COL19A1: variants seen among roughly 807,000 people sequenced by gnomAD.
COL19A1 encodes the protein collagen alpha-1(XIX) chain.
COL19A1 carries 159 observed loss-of-function variants against 190.2 expected under a neutral mutation model. That is an observed-to-expected ratio of 0.84 (90% CI 0.73 to 0.95). The LOEUF (loss-of-function observed/expected upper bound fraction) is 0.95, where lower values mean the gene tolerates loss of function less well. COL19A1 is among the 40% of genes least tolerant of loss of function. The pLI is 0.00. For missense variants in COL19A1, 1,418 were observed against 1,431.9 expected, an observed-to-expected ratio of 0.99 and a Z score of 0.16; for synonymous variants, 509 against 458.9, an observed-to-expected ratio of 1.11 and a Z score of -1.39.
chr6:69,959,904 A>G (rs1774665166), intron 9 of COL19A1, 92 bp from the exon 10 acceptor site: 1 of 1,132,124 alleles, frequency 8.8e-7, no homozygotes, highest in Non-Finnish European at 1.3e-6. Context: ...ACCTTTCCCC[A>G]CAACACTAGA....
chr6:69,882,348 C>A (rs1440098733), intron 2 of COL19A1, among the ~76,000 whole-genome samples: 1 of 152,112 alleles, frequency 6.6e-6, no homozygotes, highest in Non-Finnish European at 1.5e-5. Context: ...TTTATTTTCC[C>A]ACTGCAAATG....
At chr6:70,044,436 G>T (rs1282377677) in intron 14 of COL19A1, among the ~76,000 whole-genome samples, 1 of 152,198 alleles carries the variant, frequency 6.6e-6, no homozygotes, top group Non-Finnish European at 1.5e-5. Flanking sequence ...TTTGGCTGGA[G>T]GGACCTAGCT....
chr6:70,104,434 T>TTTTAAG (rs1398249691), intron 16 of COL19A1, among the ~76,000 whole-genome samples: 6 of 152,072 alleles, frequency 3.9e-5, no homozygotes, highest in Non-Finnish European at 8.8e-5. Context: ...CAACCTAATC[T>TTTTAAG]CGTGAGAACT....
intron 42 of COL19A1, among the ~76,000 whole-genome samples, chr6:70,178,180 G>A (rs1197253688): frequency 6.6e-6 from 1 of 152,192 alleles, no homozygotes; most frequent in African/African-American, 2.4e-5. Flanking sequence ...TTGAGCCCAG[G>A]AGTTAGAGAC....
rs947348054 is a variant in COL19A1 at position 70,141,097 on chromosome 6, G to A, written c.1482+108G>A. Reference sequence around the variant, plus strand: ...AGTCTAATAGATTTGATTAAATAAGGTCCATGAGCATTTTACTTTTTCCTC... The same window carrying A: ...AGTCTAATAGATTTGATTAAATAAGATCCATGAGCATTTTACTTTTTCCTC... On this transcript the variant is annotated intron_variant, in intron 20 of 50. Transcript: ENST00000620364. The A allele has an allele frequency of 5.3e-6, 5 of 942,694 alleles. No homozygotes were observed. In the African/African-American group the frequency reaches 6.8e-5, roughly 13 times the overall value. The allele number at this position is 942,694 out of a possible 1,614,324, so 58.4% of individuals were successfully genotyped here.
At chr6:69,884,966 G>A (rs1313516297) in intron 2 of COL19A1, among the ~76,000 whole-genome samples, 7 of 151,614 alleles carry the variant, frequency 4.6e-5, no homozygotes, top group East Asian at 1.9e-4. Context: ...AGGTTCAAGC[G>A]ATTCTCCTGC....
intron 10 of COL19A1, among the ~76,000 whole-genome samples, chr6:69,960,704 A>G (rs1774734529): frequency 7.1e-6 from 1 of 140,402 alleles, no homozygotes; most frequent in Non-Finnish European, 1.5e-5. Flanking sequence ...ATCTTGGCTC[A>G]CTGCAAGCTC....
chr6:69,938,207 T>A (rs1204335171), intron 9 of COL19A1, 107 bp downstream of exon 9: 3 of 1,034,986 alleles, frequency 2.9e-6, no homozygotes, highest in Non-Finnish European at 4.2e-6. Flanking sequence ...TATGTTTCTA[T>A]AAAAGGCTAT....
intron 16 of COL19A1, among the ~76,000 whole-genome samples, chr6:70,119,331 C>G (rs906583342): frequency 1.3e-5 from 2 of 152,176 alleles, no homozygotes; most frequent in Non-Finnish European, 2.9e-5. Context: ...ATAAAGAGGC[C>G]TCTCTCAACT....
In COL19A1 at chr6:70,199,658, G is replaced by T; in HGVS notation, c.3145G>T (p.Ala1049Ser). ...GCTCAAGCTGCCAGCAGCAATGTTG[G>T]CTGCCCAAGCTTATGGGAGACCTGG... ...SQLKLPAAMLAAQAYGRPGPP... is the reference protein window; with the variant it reads ...SQLKLPAAMLSAQAYGRPGPP... Residue 1049 changes from alanine to serine, a missense_variant, in exon 49 of 51, where the codon GCT becomes TCT. Physicochemically the swap from Ala to Ser is moderately conservative, Grantham distance 99. Transcript: ENST00000620364. The T allele has an allele frequency of 1.2e-6, 2 of 1,608,202 alleles. No individual in the cohort carries two copies. Among genetic ancestry groups the T allele is most frequent in the Non-Finnish European group, 1.7e-6 (2 of 1,176,440 alleles).
Position 70,016,383 on chromosome 6 carries a change from AAC to A in COL19A1, c.1027-7240_1027-7239del, listed in dbSNP as rs1354525322. Among the ~76,000 whole-genome samples the A allele has an allele frequency of 3.3e-4, 42 of 126,420 alleles. 1 individual carries two copies. The highest frequency in any genetic ancestry group is 6.0e-4 in the Non-Finnish European group (38 of 63,612). The allele number at this position is 126,420 out of a possible 152,430, so 82.9% of individuals were successfully genotyped here. A position where few individuals can be genotyped will look rare whatever the true frequency, so the allele number is the denominator to read the frequency against. ...GAGTATAATAAAAAAAAAAAAAAAA[AAC>A]ACATGAAAAAAAAAAAACAAAACAA... On this transcript the variant is annotated intron_variant, in intron 11 of 50. Coordinates refer to ENST00000620364, the MANE Select transcript of COL19A1 (RefSeq NM_001858.6).
At chr6:70,004,981 T>C (rs569567127) in intron 11 of COL19A1, among the ~76,000 whole-genome samples, 39 of 152,086 alleles carry the variant, frequency 2.6e-4, no homozygotes, top group East Asian at 1.2e-3. Context: ...TACAGGTGCC[T>C]GCCACCACAC....
intron 1 of COL19A1, among the ~76,000 whole-genome samples, chr6:69,872,985 T>G (rs775688242): frequency 2.9e-4 from 44 of 152,230 alleles, no homozygotes; most frequent in Non-Finnish European, 5.9e-4. Flanking sequence ...AGCATTTTAG[T>G]CAGGCAGACT....
At chr6:70,084,721 GAGTGGCT>G (rs1782480789) in intron 15 of COL19A1, among the ~76,000 whole-genome samples, 1 of 152,186 alleles carries the variant, frequency 6.6e-6, no homozygotes, top group Admixed American at 6.5e-5. Context: ...CTCTGCTGTA[GAGTGGCT>G]TTGGTGAAGC....
rs144377494 is a variant in COL19A1, at chr6:70,101,434, C to A, written c.1225-735C>A. ...TTAGAGAGGTTAGCACAACATCTTG[C>A]GATTGGAATTTAGCTAGTTGTGAAC... On this transcript the variant is annotated intron_variant, in intron 15 of 50. Coordinates refer to ENST00000620364, the MANE Select transcript of COL19A1 (RefSeq NM_001858.6). Among the ~76,000 whole-genome samples, 723 of 152,144 alleles carry A rather than the reference C, an allele frequency of 4.8e-3. 8 individuals are homozygous for A. The highest frequency in any genetic ancestry group is 0.016 in the African/African-American group (682 of 41,486).
At position 70,161,971 on chromosome 6, in the gene COL19A1, C is replaced by G. The variant is rs201123002; in HGVS notation, c.2346+18C>G. 1.3e-6 allele frequency: 2 copies of G among 1,582,124 alleles called. No homozygotes were observed. Among genetic ancestry groups the G allele is most frequent in the Non-Finnish European group, 1.7e-6 (2 of 1,167,448 alleles). On this transcript the variant is annotated intron_variant, in intron 35 of 50. Transcript: ENST00000620364. ...GACCCCCTGTAAGTATTTGTTAAAACGATTGCACTCACAGCTTATATCTGC... is the reference window on the plus strand; with the variant it reads ...GACCCCCTGTAAGTATTTGTTAAAAGGATTGCACTCACAGCTTATATCTGC...
At chr6:70,102,331 C>T (rs1783689610) in intron 16 of COL19A1, 109 bp downstream of exon 16, 1 of 840,704 alleles carries the variant, frequency 1.2e-6, no homozygotes, top group African/African-American at 1.7e-5. Flanking sequence ...CTTTATTCTA[C>T]TGTTTAGAAT....
chr6:70,156,282 A>T, intron 32 of COL19A1, 34 bp from the exon 33 acceptor site: 1 of 1,613,126 alleles, frequency 6.2e-7, no homozygotes, highest in African/African-American at 1.3e-5. Flanking sequence ...CATGTAGTGC[A>T]TCCTCTCAGT....
At chr6:69,935,740 T>G (rs1184378099) in intron 7 of COL19A1, among the ~76,000 whole-genome samples, 1 of 152,026 alleles carries the variant, frequency 6.6e-6, no homozygotes, top group African/African-American at 2.4e-5. Context: ...AACTTTTATT[T>G]TAAGTTCAGG....
Sources: gnomAD v4.1 joint callset for allele counts (sites outside exome capture counted in the v4.1 genomes callset) on GRCh38, gnomAD v4.1.1 for gene constraint, MANE v1.5 for transcripts, NCBI Gene and HGNC (gene_info 2026-07-23, HGNC 2026-07-21) for gene names.